Variants in RSU1 observed in about 807,000 individuals in gnomAD.
The protein encoded by RSU1 is rsu-1.
A neutral mutation model predicts 31.1 loss-of-function variants in RSU1; 26 were observed. That is an observed-to-expected ratio of 0.84 (90% CI 0.61 to 1.16). The LOEUF is 1.16. RSU1 is among the 50% of genes most tolerant of loss of function. RSU1 has a pLI of 0.00. For synonymous variants in RSU1, 164 were observed against 136.3 expected (o/e 1.20, Z -1.41); for missense variants, 320 against 339.1 (o/e 0.94, Z 0.44).
intron 8 of RSU1, among the ~76,000 whole-genome samples, chr10:16,595,550 A>G (rs569716623): frequency 3.3e-5 from 5 of 152,312 alleles, no homozygotes; most frequent in South Asian, 2.1e-4. Context: ...AGAAGTTTCC[A>G]TATGTCCTAG....
At chr10:16,701,357 T>G (rs1469200223) in intron 7 of RSU1, among the ~76,000 whole-genome samples, 1 of 152,188 alleles carries the variant, frequency 6.6e-6, no homozygotes, top group African/African-American at 2.4e-5. Context: ...AATGAGAATC[T>G]AGGTCTGAAG....
chr10:16,728,228 A>G (rs1836436331), intron 7 of RSU1, among the ~76,000 whole-genome samples: 1 of 152,192 alleles, frequency 6.6e-6, no homozygotes, highest in African/African-American at 2.4e-5. Context: ...AAAGCATGCC[A>G]TTGCTGCTGT....
chr10:16,610,939 T>C lies in RSU1; in HGVS notation c.732-17443A>G, dbSNP rs193092844. On this transcript the variant is annotated intron_variant, in intron 8 of 8. Coordinates refer to ENST00000345264, the MANE Select transcript of RSU1 (RefSeq NM_012425.4). Reference sequence around the variant, plus strand: ...TTCCCAATGTCCTTATTTGTAATAGTTGTGATATTGGAAAGGTTTTTAAGC... The same window carrying C: ...TTCCCAATGTCCTTATTTGTAATAGCTGTGATATTGGAAAGGTTTTTAAGC... 2.2e-3 allele frequency among the ~76,000 whole-genome samples: 331 copies of C among 152,298 alleles called. 2 individuals are homozygous for C. Among genetic ancestry groups the C allele is most frequent in the Admixed American group, 9.8e-4 (15 of 15,298 alleles).
At chr10:16,713,754 C>G (rs1836069388) in intron 7 of RSU1, among the ~76,000 whole-genome samples, 1 of 152,140 alleles carries the variant, frequency 6.6e-6, no homozygotes, top group South Asian at 2.1e-4. Context: ...CTTGCTTTTT[C>G]ACATTGCTTG....
intron 2 of RSU1, among the ~76,000 whole-genome samples, chr10:16,813,773 A>G (rs925872056): frequency 3.9e-5 from 6 of 152,174 alleles, no homozygotes; most frequent in Non-Finnish European, 7.3e-5. Flanking sequence ...TGGCTGGACT[A>G]CTAGAAAACT....
At chr10:16,762,987 C>T (rs1837239060) in intron 4 of RSU1, among the ~76,000 whole-genome samples, 1 of 145,004 alleles carries the variant, frequency 6.9e-6, no homozygotes, top group South Asian at 2.1e-4. Context: ...CAAAGCAAGA[C>T]TCTGTCTCAA....
At chr10:16,713,846 T>C (rs1375949540) in intron 7 of RSU1, among the ~76,000 whole-genome samples, 1 of 152,182 alleles carries the variant, frequency 6.6e-6, no homozygotes, top group Non-Finnish European at 1.5e-5. Flanking sequence ...AGGAGATAAT[T>C]CTTCCTGTAG....
intron 8 of RSU1, among the ~76,000 whole-genome samples, chr10:16,693,011 G>A (rs996861005): frequency 1.3e-5 from 2 of 152,090 alleles, no homozygotes; most frequent in Non-Finnish European, 2.9e-5. Context: ...CGCCCAGGCT[G>A]GAGTGCAGTG....
At chr10:16,624,723 T>A (rs1375108843) in intron 8 of RSU1, among the ~76,000 whole-genome samples, 2 of 152,124 alleles carry the variant, frequency 1.3e-5, no homozygotes, top group African/African-American at 4.8e-5. Flanking sequence ...CACTCTTTGA[T>A]TAGGTGGAGA....
intron 8 of RSU1, among the ~76,000 whole-genome samples, chr10:16,643,658 A>G (rs111634813): frequency 0.016 from 2,468 of 152,246 alleles, 60 homozygotes; most frequent in African/African-American, 0.056. Flanking sequence ...TGATCTTGGG[A>G]AAGTTAGCTA....
intron 8 of RSU1, among the ~76,000 whole-genome samples, chr10:16,630,190 C>G (rs573805389): frequency 1.3e-5 from 2 of 152,214 alleles, no homozygotes; most frequent in African/African-American, 4.8e-5. Flanking sequence ...ACAACAGGTG[C>G]AAGCCACCGC....
At chr10:16,787,199 C>T (rs919821812) in intron 2 of RSU1, among the ~76,000 whole-genome samples, 4 of 152,178 alleles carry the variant, frequency 2.6e-5, no homozygotes, top group African/African-American at 9.7e-5. Flanking sequence ...CTTGTGCTTT[C>T]TTCCTACAGC....
intron 8 of RSU1, among the ~76,000 whole-genome samples, chr10:16,680,022 C>T (rs1835300629): frequency 6.6e-6 from 1 of 151,938 alleles, no homozygotes; most frequent in Non-Finnish European, 1.5e-5. Flanking sequence ...CCTGGGATTA[C>T]AGACGTGCAC....
At chr10:16,696,673 C>G (rs938472851) in intron 7 of RSU1, among the ~76,000 whole-genome samples, 1 of 152,170 alleles carries the variant, frequency 6.6e-6, no homozygotes, top group African/African-American at 2.4e-5. Context: ...AATGGTTAAA[C>G]ATCGTTAGTC....
intron 2 of RSU1, among the ~76,000 whole-genome samples, chr10:16,792,058 T>C (rs1325066490): frequency 2.0e-5 from 3 of 152,164 alleles, no homozygotes; most frequent in Non-Finnish European, 4.4e-5. Flanking sequence ...CAAAATGATA[T>C]GGAACTTGGA....
intron 8 of RSU1, among the ~76,000 whole-genome samples, chr10:16,600,496 G>A (rs1833698695): frequency 1.3e-5 from 2 of 150,886 alleles, no homozygotes; most frequent in South Asian, 4.2e-4. Flanking sequence ...AATAAATTTT[G>A]CAACTTTTTT....
chr10:16,697,987 CTTTTTTTTTTTTT>C (rs67816326), intron 7 of RSU1, among the ~76,000 whole-genome samples: 13 of 99,578 alleles, frequency 1.3e-4, no homozygotes, highest in African/African-American at 2.5e-4. Flanking sequence ...AGGAACACAC[CTTTTTTTTTTTTT>C]TTTTTTTTTT....
At chr10:16,715,680 C>G (rs748745964) in intron 7 of RSU1, among the ~76,000 whole-genome samples, 14 of 152,166 alleles carry the variant, frequency 9.2e-5, no homozygotes. Context: ...TGCCTTTAGG[C>G]CAGTACCACA....
intron 7 of RSU1, among the ~76,000 whole-genome samples, chr10:16,708,442 A>G (rs1422808170): frequency 6.6e-6 from 1 of 152,186 alleles, no homozygotes; most frequent in African/African-American, 2.4e-5. Flanking sequence ...GAAAATCTAC[A>G]TAAAAGTGAG....
Sources: allele counts gnomAD v4.1 joint callset (sites outside exome capture counted in the v4.1 genomes callset), GRCh38; gene constraint gnomAD v4.1.1; transcripts MANE v1.5; gene names NCBI Gene and HGNC (gene_info 2026-07-23, HGNC 2026-07-21).